SHANK2: variants seen among roughly 807,000 people sequenced by gnomAD.
The protein encoded by SHANK2 is SH3 and multiple ankyrin repeat domains 2.
Under a neutral mutation model 133.7 loss-of-function variants are expected in SHANK2, and 43 were observed. The observed-to-expected ratio is 0.32, with a 90% CI of 0.25 to 0.41. The LOEUF (loss-of-function observed/expected upper bound fraction) is 0.41, where lower values mean the gene tolerates loss of function less well. Among genes scored for constraint, SHANK2 ranks in the 10% least tolerant of loss-of-function variants. The pLI is 1.00. For missense variants in SHANK2, 1,994 were observed against 2,235.8 expected (o/e 0.89, Z 2.18); for synonymous variants, 1,017 against 952.8 (o/e 1.07, Z -1.24).
intron 15 of SHANK2, 56 bp from the exon 16 acceptor site, chr11:70,661,734 C>G: frequency 6.2e-7 from 1 of 1,614,160 alleles, no homozygotes; most frequent in Non-Finnish European, 8.5e-7. Context: ...ATCATCACCG[C>G]GGCCGCTCCT....
chr11:71,136,092 G>GA (rs1158799039), intron 3 of SHANK2, among the ~76,000 whole-genome samples: 1 of 152,144 alleles, frequency 6.6e-6, no homozygotes, highest in East Asian at 1.9e-4. Context: ...TCCCCACGGC[G>GA]AAAAAGTGGA....
At position 70,572,191 on chromosome 11, in the gene SHANK2, A is replaced by C. The variant is rs570665187; in HGVS notation, c.2062-69260T>G. Among the ~76,000 whole-genome samples, 3 of 152,114 alleles carry C rather than the reference A, an allele frequency of 2.0e-5. No individual in the cohort carries two copies. The South Asian group carries it at 6.2e-4, about 32-fold the overall frequency. On this transcript the variant is annotated intron_variant, in intron 17 of 25. Transcript: ENST00000601538. ...CTGTTGGGTTTTGAGACGGAGTCTCACTCTGTCGCCCAGGCTGGAGTGCAG... is the reference window on the plus strand; with the variant it reads ...CTGTTGGGTTTTGAGACGGAGTCTCCCTCTGTCGCCCAGGCTGGAGTGCAG...
chr11:70,760,052 G>A (rs1046631227), intron 14 of SHANK2, among the ~76,000 whole-genome samples: 28 of 152,218 alleles, frequency 1.8e-4, no homozygotes, highest in African/African-American at 5.1e-4. Flanking sequence ...CTCACTGAGC[G>A]GCTTTACGTT....
chr11:70,831,494 G>A (rs1346810901), intron 11 of SHANK2, among the ~76,000 whole-genome samples: 11 of 152,038 alleles, frequency 7.2e-5, no homozygotes, highest in South Asian at 2.1e-4. Context: ...CCAAAGCCCC[G>A]TGCCCCCTTG....
intron 10 of SHANK2, among the ~76,000 whole-genome samples, chr11:70,955,252 G>A (rs1447282337): frequency 6.6e-6 from 1 of 152,142 alleles, no homozygotes; most frequent in Non-Finnish European, 1.5e-5. Flanking sequence ...ATGACAGCAC[G>A]TGGGGAGAAG....
chr11:70,642,218 C>G (rs1555006599), intron 17 of SHANK2, among the ~76,000 whole-genome samples: 2 of 152,224 alleles, frequency 1.3e-5, no homozygotes, highest in Non-Finnish European at 2.9e-5. Context: ...TGACCTCAAA[C>G]CATCCTGCCT....
At chr11:71,156,896 C>T (rs1448684553) in intron 2 of SHANK2, among the ~76,000 whole-genome samples, 1 of 152,170 alleles carries the variant, frequency 6.6e-6, no homozygotes, top group East Asian at 1.9e-4. Flanking sequence ...CCTTGCTACA[C>T]TCAAGATCTT....
chr11:70,632,754 C>T (rs569565960), intron 17 of SHANK2, among the ~76,000 whole-genome samples: 52 of 152,234 alleles, frequency 3.4e-4, no homozygotes, highest in African/African-American at 1.0e-3. Context: ...AGGGTACATC[C>T]GGGCTGCAGA....
intron 14 of SHANK2, among the ~76,000 whole-genome samples, chr11:70,732,751 G>A (rs1253453778): frequency 6.6e-6 from 1 of 152,182 alleles, no homozygotes; most frequent in Non-Finnish European, 1.5e-5. Flanking sequence ...ACCTCTAGGT[G>A]GCCATTTTTG....
chr11:70,489,263 T>G, intron 24 of SHANK2, 65 bp downstream of exon 24: 1 of 1,497,616 alleles, frequency 6.7e-7, no homozygotes, highest in Non-Finnish European at 9.3e-7. Flanking sequence ...AATTTAAGAA[T>G]ACACCTTATA....
chr11:70,736,530 G>A (rs1230995100), intron 14 of SHANK2, among the ~76,000 whole-genome samples: 3 of 152,158 alleles, frequency 2.0e-5, no homozygotes, highest in Admixed American at 2.0e-4. Flanking sequence ...AGGCAGAGAT[G>A]GGGAAATAGG....
Position 71,249,355 on chromosome 11 carries a change from G to T in SHANK2, c.-113+3070C>A, listed in dbSNP as rs1367404968. Among the ~76,000 whole-genome samples, 4 of 152,138 alleles carry T rather than the reference G, an allele frequency of 2.6e-5. 1 individual carries two copies. The highest frequency in any genetic ancestry group is 9.7e-5 in the African/African-American group (4 of 41,414). The stretch of plus-strand genomic sequence containing the variant: ...GAACTTTGCTGGAGGTCATGTGGAG[G>T]CAAGAAGATTCTCAAGGGTCCCTCC... On this transcript the variant is annotated intron_variant, in intron 1 of 25. Coordinates refer to ENST00000601538, the MANE Select transcript of SHANK2 (RefSeq NM_012309.5).
rs2058804369 is a variant in SHANK2 at position 70,486,321 on chromosome 11, C to T, written c.3972G>A (p.Leu1324=). The T allele has an allele frequency of 6.2e-7, 1 of 1,613,988 alleles. No individual in the cohort carries two copies. Among genetic ancestry groups the T allele is most frequent in the South Asian group, 1.1e-5 (1 of 91,072 alleles). Residue 1324 remains leucine, a synonymous_variant, in exon 25 of 26, where the codon CTG becomes CTA. Coordinates refer to ENST00000601538, the MANE Select transcript of SHANK2 (RefSeq NM_012309.5). This position sits in a 1 kb window ranked among gnomAD's most constrained non-coding sequence, Gnocchi z 8.0. ...CGTCCTCTTCCTGCAGGGCGTTGTC[C>T]AGCTTAGTGGCGTCCACGGTGTGCA... ...LMVHTVDATK[L]DNALQEEDEK... is the part of the protein sequence containing the mutation.
At chr11:71,113,125 A>G (rs1293850316) in intron 5 of SHANK2, among the ~76,000 whole-genome samples, 168 bp downstream of exon 5, 3 of 152,178 alleles carry the variant, frequency 2.0e-5, no homozygotes, top group African/African-American at 7.2e-5. Context: ...GGGTCTCCGC[A>G]GTGTGCACCG....
intron 17 of SHANK2, among the ~76,000 whole-genome samples, chr11:70,642,996 A>T (rs1371063975): frequency 9.9e-5 from 15 of 152,230 alleles, no homozygotes; most frequent in African/African-American, 3.6e-4. Flanking sequence ...CATCGCAGTT[A>T]TCCTGATTTG....
At chr11:70,895,532 C>T (rs1159353127) in intron 11 of SHANK2, 1 of 152,470 alleles carries the variant, frequency 6.6e-6, no homozygotes, top group African/African-American at 2.4e-5. Flanking sequence ...AGAGGAGGAG[C>T]CCCAAAGACT....
At chr11:70,800,741 G>A (rs1331912802) in intron 13 of SHANK2, among the ~76,000 whole-genome samples, 3 of 152,192 alleles carry the variant, frequency 2.0e-5, no homozygotes, top group Non-Finnish European at 2.9e-5. Context: ...CCAGCTGGCC[G>A]GGATGTGCCT....
intron 6 of SHANK2, among the ~76,000 whole-genome samples, chr11:71,099,308 T>C (rs553276006): frequency 5.9e-5 from 9 of 152,268 alleles, no homozygotes; most frequent in Middle Eastern, 3.4e-3. Flanking sequence ...CGGTTAATAA[T>C]AATGCATCGA....
At chr11:70,781,022 C>T (rs1451231922) in intron 14 of SHANK2, among the ~76,000 whole-genome samples, 4 of 152,066 alleles carry the variant, frequency 2.6e-5, no homozygotes, top group Admixed American at 6.5e-5. Context: ...TCATCCCTTC[C>T]GGTTCTCACC....
Sources: gnomAD v4.1 joint callset for allele counts (sites outside exome capture counted in the v4.1 genomes callset) on GRCh38, gnomAD v4.1.1 for gene constraint, Gnocchi (gnomAD v3.1) non-coding constraint, MANE v1.5 for transcripts, NCBI Gene and HGNC (gene_info 2026-07-23, HGNC 2026-07-21) for gene names.